Variants in NLRP13 observed in about 807,000 individuals in gnomAD.
The protein encoded by NLRP13 is NACHT, LRR and PYD domains-containing protein 13.
A neutral mutation model predicts 94.4 loss-of-function variants in NLRP13; 82 were observed. That is an observed-to-expected ratio of 0.87 (90% confidence interval 0.73 to 1.04). The LOEUF (loss-of-function observed/expected upper bound fraction) is 1.04. Among genes scored for constraint, NLRP13 ranks in the 50% least tolerant of loss-of-function variants. The pLI is 0.00. For synonymous variants in NLRP13, 553 were observed against 464.7 expected (o/e 1.19, Z -2.45); for missense variants, 1,426 against 1,230.8 (o/e 1.16, Z -2.37).
intron 6 of NLRP13, among the ~76,000 whole-genome samples, chr19:55,909,551 A>G (rs994462818): frequency 4.0e-5 from 6 of 151,726 alleles, no homozygotes. Context: ...AAAAAAAAAA[A>G]AAGTCCTAAT....
intron 10 of NLRP13, among the ~76,000 whole-genome samples, chr19:55,896,765 G>A (rs1008891833): frequency 7.3e-6 from 1 of 137,130 alleles, no homozygotes; most frequent in African/African-American, 2.7e-5. Flanking sequence ...GTAGCAGTGA[G>A]TCAAGATTGC....
chr19:55,915,457 G>A (rs1163379709), intron 4 of NLRP13, among the ~76,000 whole-genome samples: 3 of 152,036 alleles, frequency 2.0e-5, no homozygotes, highest in Admixed American at 6.6e-5. Flanking sequence ...GATTAGCCAG[G>A]CATGGTGGCA....
At chr19:55,895,210 A>AAG (rs1197320454), downstream of NLRP13, among the ~76,000 whole-genome samples, 2 of 149,854 alleles carry the variant, frequency 1.3e-5, no homozygotes, top group East Asian at 3.9e-4. Context: ...AAAAAAAAAA[A>AAG]AAGAAAGAAA....
At position 55,912,004 on chromosome 19, in the gene NLRP13, G is replaced by T; in HGVS notation, c.1813C>A (p.His605Asn). 1 of 1,614,138 alleles carries T rather than the reference G, an allele frequency of 6.2e-7. No homozygotes were observed. Among genetic ancestry groups the T allele is most frequent in the Admixed American group, 1.7e-5 (1 of 60,028 alleles). The change falls in exon 5 of 11, where the codon CAT becomes AAT. Residue 605 changes from histidine (H) to asparagine (N), a missense_variant. By Grantham distance (68) the His-to-Asn change is moderately conservative. Coordinates refer to ENST00000342929, the MANE Select transcript of NLRP13 (RefSeq NM_176810.2). ...NIARELEDTLHCKISPRVMEE... is the reference protein window; with the variant it reads ...NIARELEDTLNCKISPRVMEE... Reference sequence around the variant, plus strand: ...ATTACCCTGGGAGATATTTTACAATGCAAAGTATCTTCCAGTTCTCTTGCT... The same window carrying T: ...ATTACCCTGGGAGATATTTTACAATTCAAAGTATCTTCCAGTTCTCTTGCT...
chr19:55,927,942 C>T (rs896762907), intron 1 of NLRP13, among the ~76,000 whole-genome samples: 4 of 152,152 alleles, frequency 2.6e-5, no homozygotes, highest in South Asian at 2.1e-4. Context: ...ACAGTTGTGT[C>T]CGCAAACTCA....
At chr19:55,921,482 T>A (rs1986824539) in intron 4 of NLRP13, among the ~76,000 whole-genome samples, 1 of 152,190 alleles carries the variant, frequency 6.6e-6, no homozygotes, top group Non-Finnish European at 1.5e-5. Flanking sequence ...TATGCACATA[T>A]GATATGGACA....
intron 4 of NLRP13, among the ~76,000 whole-genome samples, chr19:55,918,168 G>T (rs1057410193): frequency 6.7e-6 from 1 of 150,268 alleles, no homozygotes; most frequent in African/African-American, 2.5e-5. Flanking sequence ...CAATCTTTAG[G>T]TCAATGACAA....
At chr19:55,931,716 A>AG (rs1483125121) in intron 1 of NLRP13, among the ~76,000 whole-genome samples, 1 of 106,408 alleles carries the variant, frequency 9.4e-6, no homozygotes, top group East Asian at 2.9e-4. Flanking sequence ...GCTCAAAAAA[A>AG]AAAAAAAAAG....
In NLRP13 at chr19:55,932,038, T is replaced by C; in HGVS notation, c.274A>G (p.Met92Val). ...WKVVLGIFQT[M>V]NLTSLCEKVR... ...TTCTCACACAGTGAGGTCAGATTCA[T>C]TGTCTGGAAGATGCCGAGGACCACT... The change falls in exon 1 of 11, where the codon ATG (methionine) becomes GTG (valine). Residue 92 changes from methionine to valine, a missense_variant. Coordinates refer to ENST00000342929, the MANE Select transcript of NLRP13 (RefSeq NM_176810.2). 1.2e-6 allele frequency: 2 copies of C among 1,614,040 alleles called. No individual in the cohort carries two copies. The highest frequency in any genetic ancestry group is 1.7e-6 in the Non-Finnish European group (2 of 1,180,012).
intron 4 of NLRP13, among the ~76,000 whole-genome samples, chr19:55,917,882 C>A (rs1986711791): frequency 6.6e-6 from 1 of 152,014 alleles, no homozygotes; most frequent in Non-Finnish European, 1.5e-5. Context: ...CAAAGGAAGT[C>A]TGAACTTAAA....
downstream of NLRP13, among the ~76,000 whole-genome samples, chr19:55,893,106 C>T (rs561938093): frequency 5.3e-5 from 8 of 152,038 alleles, no homozygotes; most frequent in African/African-American, 9.6e-5. Flanking sequence ...AAAGTAATGG[C>T]GGCCAGGCAT....
intron 4 of NLRP13, among the ~76,000 whole-genome samples, chr19:55,920,457 A>G (rs555359932): frequency 2.0e-5 from 3 of 152,288 alleles, no homozygotes; most frequent in Admixed American, 6.5e-5. Flanking sequence ...AAGGAACTCA[A>G]TTTAAATAAA....
chr19:55,921,414 A>C lies in NLRP13; in HGVS notation c.523+2500T>G, dbSNP rs1398347767. Among the ~76,000 whole-genome samples, 3 of 152,152 alleles carry C rather than the reference A, an allele frequency of 2.0e-5. No homozygotes were observed. In the East Asian group the frequency reaches 5.8e-4, roughly 29 times the overall value. On this transcript the variant is annotated intron_variant, in intron 4 of 10. Transcript: ENST00000342929. ...TGACTATAAGCTTTAGATTATATAT[A>C]TATGTTTTTGTCTAGGAGTCCTACT...
chr19:55,899,210 G>A (rs1316967855), intron 9 of NLRP13, among the ~76,000 whole-genome samples: 1 of 152,116 alleles, frequency 6.6e-6, no homozygotes, highest in Non-Finnish European at 1.5e-5. Context: ...CTCTGTGGTG[G>A]TTACCCCCCA....
At chr19:55,893,310 C>T (rs1193342513), downstream of NLRP13, among the ~76,000 whole-genome samples, 1 of 152,070 alleles carries the variant, frequency 6.6e-6, no homozygotes. Context: ...ATCGCTTGAA[C>T]CTGGGAGGCG....
rs1986934543 is a variant in NLRP13, at chr19:55,925,009, C to A, written c.346G>T (p.Asp116Tyr). Reference protein sequence around the residue: ...KENVQTQELQDPTQEDLEMLE... With the variant: ...KENVQTQELQYPTQEDLEMLE... ...ATCTCTAGATCTTCCTGGGTTGGAT[C>A]TTGCAGCTCTTGGGTCTGCACATTC... The change falls in exon 2 of 11, where the codon GAT (aspartate) becomes TAT (tyrosine). Residue 116 changes from aspartate (D) to tyrosine (Y), a missense_variant. Asp to Tyr is a radical substitution (Grantham distance 160). Coordinates refer to ENST00000342929, the MANE Select transcript of NLRP13 (RefSeq NM_176810.2). 6.2e-7 allele frequency: 1 copy of A among 1,614,098 alleles called. No homozygotes were observed. Among genetic ancestry groups the A allele is most frequent in the Non-Finnish European group, 8.5e-7 (1 of 1,179,990 alleles).
chr19:55,916,855 G>A (rs1472358742), intron 4 of NLRP13, among the ~76,000 whole-genome samples: 1 of 151,608 alleles, frequency 6.6e-6, no homozygotes, highest in Non-Finnish European at 1.5e-5. Context: ...CCAAATATAA[G>A]AGGATTAATG....
At chr19:55,930,876 A>T (rs8101901) in intron 1 of NLRP13, among the ~76,000 whole-genome samples, 5,237 of 24,564 alleles carry the variant, frequency 0.21, 425 homozygotes, top group East Asian at 0.51. Context: ...ATCAGTGATT[A>T]TATATATATA....
chr19:55,931,722 A>AGACAG lies in NLRP13; in HGVS notation c.319+270_319+271insCTGTC, dbSNP rs1468023647. ...GAGACTCAGGCTCAAAAAAAAAAAA[A>AGACAG]AAAGAAAGAAAGAAAGAAAGAAAAA... On this transcript the variant is annotated intron_variant, in intron 1 of 10. Coordinates refer to ENST00000342929, the MANE Select transcript of NLRP13 (RefSeq NM_176810.2). Among the ~76,000 whole-genome samples the AGACAG allele has an allele frequency of 6.7e-3, 716 of 106,518 alleles. 5 individuals are homozygous for AGACAG. The highest frequency in any genetic ancestry group is 0.013 in the African/African-American group (361 of 27,780). 69.9% of individuals were successfully genotyped at this position (106,518 alleles called of 152,430 possible).
Sources: allele counts gnomAD v4.1 joint callset (sites outside exome capture counted in the v4.1 genomes callset), GRCh38; gene constraint gnomAD v4.1.1; transcripts MANE v1.5; gene names NCBI Gene and HGNC (gene_info 2026-07-23, HGNC 2026-07-21).